ANK3: variants seen among roughly 807,000 people sequenced by gnomAD.
ANK3 encodes the protein ankyrin-3.
In ANK3, 57 loss-of-function variants were observed where a neutral mutation model predicts 370.9. The observed-to-expected ratio is 0.15, with a 90% confidence interval of 0.12 to 0.19. The LOEUF is 0.19. Among genes scored for constraint, ANK3 ranks in the 10% least tolerant of loss-of-function variants. The probability of loss-of-function intolerance (pLI) is 1.00; values close to 1 mark genes in which losing one functional copy is unlikely to be tolerated. For missense variants in ANK3, 4,439 were observed against 5,302.1 expected (o/e 0.84, Z 5.06); for synonymous variants, 1,929 against 1,946.3 (o/e 0.99, Z 0.23).
At chr10:60,269,338 A>C (rs1046979626) in intron 5 of ANK3, among the ~76,000 whole-genome samples, 4 of 152,162 alleles carry the variant, frequency 2.6e-5, no homozygotes, top group Non-Finnish European at 2.9e-5. Context: ...ACATCTATTT[A>C]ACACTTAAAA....
rs777814492 is a variant in ANK3, at chr10:60,070,512, G to A, written c.10369C>T (p.Arg3457Cys). Residue 3457 changes from arginine (R) to cysteine (C), a missense_variant, in exon 37 of 44, where the codon CGC (arginine) becomes TGC (cysteine). Transcript: ENST00000280772. This position sits in a 1 kb window ranked among gnomAD's most constrained non-coding sequence, Gnocchi z 5.7. ...NTEGILKPAD[R>C]SFSQSKLEVI... ...TCAAGTTTACTTTGGCTAAAAGAGC[G>A]GTCAGCTGGCTTCAGAATGCCCTCT... The A allele has an allele frequency of 1.8e-5, 29 of 1,613,996 alleles. No homozygotes were observed. The highest frequency in any genetic ancestry group is 2.7e-5 in the African/African-American group (2 of 74,906).
In ANK3 at chr10:60,660,149, T is replaced by C. The variant is rs1456768906; in HGVS notation, c.58-44925A>G. 2.6e-5 allele frequency among the ~76,000 whole-genome samples: 4 copies of C among 152,288 alleles called. No homozygotes were observed. In the East Asian group the frequency reaches 5.8e-4, roughly 22 times the overall value. ...GTTTTTCTGATTAGACAGTTGCTTG[T>C]ATATTAAATTTTGAGCTGTGTCAGA... On this transcript the variant is annotated intron_variant, in intron 1 of 43. Coordinates refer to the ANK3 transcript ENST00000373827.
chr10:60,618,894 G>A (rs1595355217), intron 1 of ANK3, among the ~76,000 whole-genome samples: 4 of 152,018 alleles, frequency 2.6e-5, no homozygotes, highest in Admixed American at 2.6e-4. Context: ...TGCTACTCTA[G>A]GACAATTTAA....
chr10:60,303,715 T>C (rs12771158), intron 1 of ANK3, among the ~76,000 whole-genome samples: 20,459 of 152,162 alleles, frequency 0.13, 1,477 homozygotes, highest in African/African-American at 0.15. Flanking sequence ...AACTACCTTA[T>C]GATTCAGCAC....
intron 1 of ANK3, among the ~76,000 whole-genome samples, chr10:60,291,889 T>C (rs562514511): frequency 6.6e-6 from 1 of 152,238 alleles, no homozygotes; most frequent in African/African-American, 2.4e-5. Flanking sequence ...ATTTTTGTAA[T>C]TTTCAGTAGA....
At chr10:60,265,732 T>C (rs1422110237) in intron 5 of ANK3, among the ~76,000 whole-genome samples, 2 of 152,188 alleles carry the variant, frequency 1.3e-5, no homozygotes, top group Admixed American at 1.3e-4. Context: ...TCAACATTCC[T>C]TCCCTTGCTA....
intron 17 of ANK3, among the ~76,000 whole-genome samples, chr10:60,184,133 T>C (rs1469287190): frequency 5.3e-5 from 8 of 152,194 alleles, no homozygotes; most frequent in Non-Finnish European, 1.0e-4. Flanking sequence ...ATAAAGTGTT[T>C]AGTTCAACAT....
intron 38 of ANK3, among the ~76,000 whole-genome samples, chr10:60,067,437 TAG>T (rs879475911): frequency 2.5e-4 from 38 of 152,024 alleles, no homozygotes; most frequent in Non-Finnish European, 4.7e-4. Context: ...TAAATAAACA[TAG>T]AGTTTTATGT....
At chr10:60,477,028 C>T (rs2075084343) in intron 2 of ANK3, among the ~76,000 whole-genome samples, 1 of 151,976 alleles carries the variant, frequency 6.6e-6, no homozygotes, top group South Asian at 2.1e-4. Context: ...TCTAGAACAC[C>T]CACCAAAAAA....
chr10:60,520,609 ATTGAAC>A (rs1395275858), intron 2 of ANK3, among the ~76,000 whole-genome samples: 1 of 152,116 alleles, frequency 6.6e-6, no homozygotes, highest in Non-Finnish European at 1.5e-5. Context: ...CAATCCTTTA[ATTGAAC>A]TTTTGTCTGT....
At chr10:60,302,582 T>A (rs976809999) in intron 1 of ANK3, among the ~76,000 whole-genome samples, 2 of 152,182 alleles carry the variant, frequency 1.3e-5, no homozygotes, top group Non-Finnish European at 2.9e-5. Context: ...ATCAAGAACT[T>A]GCCAAGGTCA....
intron 1 of ANK3, among the ~76,000 whole-genome samples, chr10:60,327,895 ATAC>A (rs567336031): frequency 3.2e-4 from 49 of 152,272 alleles, no homozygotes; most frequent in Non-Finnish European, 6.8e-4. Context: ...CCAGGTTCGC[ATAC>A]TACTGTTTCA....
At chr10:60,539,373 C>A (rs1228511686) in intron 2 of ANK3, among the ~76,000 whole-genome samples, 1 of 151,834 alleles carries the variant, frequency 6.6e-6, no homozygotes, top group Admixed American at 6.6e-5. Flanking sequence ...AGTTCCTTGT[C>A]AACTGCAAAT....
intron 8 of ANK3, among the ~76,000 whole-genome samples, chr10:60,228,302 G>A (rs113012314): frequency 0.02 from 3,055 of 152,152 alleles, 94 homozygotes; most frequent in African/African-American, 0.067. Context: ...TTGGGAGGCC[G>A]AGGTGGGCGG....
chr10:60,591,253 T>C (rs985736454), intron 2 of ANK3, among the ~76,000 whole-genome samples: 12 of 152,204 alleles, frequency 7.9e-5, no homozygotes, highest in Non-Finnish European at 1.5e-5. Context: ...CAGGCTTCCA[T>C]TCAAATCTGC....
intron 8 of ANK3, among the ~76,000 whole-genome samples, chr10:60,224,614 T>C (rs2097109419): frequency 6.6e-6 from 1 of 152,172 alleles, no homozygotes; most frequent in Non-Finnish European, 1.5e-5. Flanking sequence ...AAGAGACATA[T>C]TTATTTTGAT....
At chr10:60,382,831 A>G (rs2061731138) in intron 1 of ANK3, among the ~76,000 whole-genome samples, 1 of 146,004 alleles carries the variant, frequency 6.8e-6, no homozygotes. Flanking sequence ...ATATATGCCA[A>G]TGCTTTTATT....
intron 2 of ANK3, among the ~76,000 whole-genome samples, chr10:60,484,417 A>C (rs139486451): frequency 7.2e-5 from 11 of 152,334 alleles, no homozygotes; most frequent in African/African-American, 2.6e-4. Flanking sequence ...TTTAGATGCA[A>C]TAATGGTAAT....
At chr10:60,482,958 A>G (rs956581144) in intron 2 of ANK3, among the ~76,000 whole-genome samples, 1 of 152,226 alleles carries the variant, frequency 6.6e-6, no homozygotes, top group African/African-American at 2.4e-5. Context: ...TAAGCACAGG[A>G]TTTTCTAAAT....
Sources: gnomAD v4.1 joint callset for allele counts (sites outside exome capture counted in the v4.1 genomes callset) on GRCh38, gnomAD v4.1.1 for gene constraint, Gnocchi (gnomAD v3.1) non-coding constraint, MANE v1.5 for transcripts, NCBI Gene and HGNC (gene_info 2026-07-23, HGNC 2026-07-21) for gene names.